Variants in RPS6KC1 observed in about 807,000 individuals in gnomAD.
The protein encoded by RPS6KC1 is ribosomal protein S6 kinase C1, also known as inactive ribosomal protein S6 kinase delta-1.
In RPS6KC1, 54 loss-of-function variants were observed where a neutral mutation model predicts 103.8. The observed-to-expected ratio is 0.52, with a 90% CI of 0.42 to 0.65. The LOEUF (loss-of-function observed/expected upper bound fraction) is 0.65. Among genes scored for constraint, RPS6KC1 ranks in the 30% least tolerant of loss-of-function variants. RPS6KC1 has a pLI of 0.00. For missense variants in RPS6KC1, 1,151 were observed against 1,253.8 expected, an observed-to-expected ratio of 0.92 and a Z score of 1.24; for synonymous variants, 439 against 438.7, an observed-to-expected ratio of 1.00 and a Z score of -0.01.
chr1:213,234,327 G>C lies in RPS6KC1; in HGVS notation c.1225+2072G>C, dbSNP rs1483585894. 4.6e-5 allele frequency among the ~76,000 whole-genome samples: 7 copies of C among 152,124 alleles called. No homozygotes were observed. The East Asian group carries it at 9.7e-4, about 21-fold the overall frequency. ...CGCCAGGCCTGAAACTTAAATTCTT[G>C]TTGTGAAAAGTCAAACAGAAAAACA... is the stretch of plus-strand genomic sequence containing the variant. On this transcript the variant is annotated intron_variant, in intron 10 of 14. Coordinates refer to ENST00000366960, the MANE Select transcript of RPS6KC1 (RefSeq NM_012424.6).
chr1:213,642,929 C>A, the RPS6KC1 span, among the ~76,000 whole-genome samples: 2,742 of 151,782 alleles, frequency 0.018, 63 homozygotes, highest in African/African-American at 0.063. Context: ...TTTCTAACAC[C>A]ATTTATTGTA....
intron 6 of RPS6KC1, among the ~76,000 whole-genome samples, chr1:213,136,834 A>G (rs990219929): frequency 2.6e-5 from 4 of 152,144 alleles, no homozygotes; most frequent in Non-Finnish European, 4.4e-5. Flanking sequence ...CTGATCTTTA[A>G]CAGTGTTGAG....
At chr1:213,425,543 A>G in the RPS6KC1 span, among the ~76,000 whole-genome samples, 1 of 152,146 alleles carries the variant, frequency 6.6e-6, no homozygotes, top group African/African-American at 2.4e-5. Flanking sequence ...AATTGGGCAA[A>G]CCACTGCATC....
intron 6 of RPS6KC1, among the ~76,000 whole-genome samples, chr1:213,151,233 T>A (rs1488686384): frequency 8.5e-6 from 1 of 117,808 alleles, no homozygotes; most frequent in African/African-American, 3.3e-5. Context: ...CCCCCCCACC[T>A]CCCTCCCGGA....
the RPS6KC1 span, among the ~76,000 whole-genome samples, chr1:213,434,853 CTTG>C: frequency 6.6e-6 from 1 of 151,930 alleles, no homozygotes; most frequent in Non-Finnish European, 1.5e-5. Flanking sequence ...TACTATGTGC[CTTG>C]TTGTATTTTT....
chr1:213,503,783 C>T, the RPS6KC1 span, among the ~76,000 whole-genome samples: 1 of 152,174 alleles, frequency 6.6e-6, no homozygotes, highest in African/African-American at 2.4e-5. Context: ...GCAGAAACTG[C>T]CATCCTTGTA....
the RPS6KC1 span, among the ~76,000 whole-genome samples, chr1:213,403,086 C>T: frequency 6.6e-6 from 1 of 152,034 alleles, no homozygotes; most frequent in East Asian, 1.9e-4. Context: ...CAAGATTGCA[C>T]CACTGCACTC....
chr1:213,245,841 A>G (rs2094445669), intron 12 of RPS6KC1, among the ~76,000 whole-genome samples: 1 of 152,214 alleles, frequency 6.6e-6, no homozygotes, highest in South Asian at 2.1e-4. Context: ...TTTGAAATGC[A>G]AATGATCACC....
chr1:213,071,046 C>G lies in RPS6KC1; in HGVS notation c.141+5C>G. ...AATCCAGAGGATGTCCAGGAGGTAA[C>G]ATTTATATGAAGATTTTATTTTATG... On this transcript the variant is annotated splice_donor_5th_base_variant and intron_variant, in intron 2 of 14. Transcript: ENST00000366960. The G allele has an allele frequency of 6.6e-7, 1 of 1,514,490 alleles. No homozygotes were observed. Among genetic ancestry groups the G allele is most frequent in the Non-Finnish European group, 9.0e-7 (1 of 1,111,832 alleles). The allele number at this position is 1,514,490 out of a possible 1,614,324, so 93.8% of individuals were successfully genotyped here.
chr1:213,500,444 A>G, the RPS6KC1 span, among the ~76,000 whole-genome samples: 1 of 152,224 alleles, frequency 6.6e-6, no homozygotes, highest in Non-Finnish European at 1.5e-5. Context: ...TAAAAAAATT[A>G]TATATAAGTA....
At chr1:213,688,651 A>G in the RPS6KC1 span, among the ~76,000 whole-genome samples, 1 of 151,896 alleles carries the variant, frequency 6.6e-6, no homozygotes, top group African/African-American at 2.4e-5. Flanking sequence ...CTTACATTCA[A>G]CTCCCCAACA....
the RPS6KC1 span, among the ~76,000 whole-genome samples, chr1:213,281,796 C>A: frequency 2.6e-5 from 4 of 152,310 alleles, no homozygotes; most frequent in Admixed American, 2.0e-4. Flanking sequence ...TCAACCACCC[C>A]CACTCCCCAG....
At chr1:213,631,556 A>G in the RPS6KC1 span, among the ~76,000 whole-genome samples, 2 of 152,152 alleles carry the variant, frequency 1.3e-5, no homozygotes, top group Non-Finnish European at 2.9e-5. Flanking sequence ...GAATATGTAT[A>G]TGAATGTTTT....
the RPS6KC1 span, among the ~76,000 whole-genome samples, chr1:213,702,841 T>C: frequency 1.3e-5 from 1 of 79,592 alleles, no homozygotes; most frequent in East Asian, 3.4e-4. Context: ...CAACAGATCA[T>C]TGAGGTTTTT....
At chr1:213,088,465 C>T (rs1041241609) in intron 3 of RPS6KC1, among the ~76,000 whole-genome samples, 2 of 151,878 alleles carry the variant, frequency 1.3e-5, no homozygotes, top group South Asian at 2.1e-4. Context: ...CGGGTTCAAG[C>T]GATTCTCCGG....
At chr1:213,398,124 T>TG in the RPS6KC1 span, among the ~76,000 whole-genome samples, 1 of 151,130 alleles carries the variant, frequency 6.6e-6, no homozygotes, top group African/African-American at 2.4e-5. Flanking sequence ...CTCCACCTCC[T>TG]GGGTTCAAGC....
chr1:213,434,726 G>T, the RPS6KC1 span, among the ~76,000 whole-genome samples: 1 of 152,004 alleles, frequency 6.6e-6, no homozygotes, highest in East Asian at 1.9e-4. Context: ...AGTGGGCTGG[G>T]ATTACAGGCA....
the RPS6KC1 span, among the ~76,000 whole-genome samples, chr1:213,352,872 C>T: frequency 6.6e-6 from 1 of 152,174 alleles, no homozygotes; most frequent in Admixed American, 6.6e-5. Flanking sequence ...ACAAGGTATG[C>T]AAGAAGGTGT....
At chr1:213,545,276 C>T in the RPS6KC1 span, among the ~76,000 whole-genome samples, 1 of 151,798 alleles carries the variant, frequency 6.6e-6, no homozygotes, top group African/African-American at 2.4e-5. Context: ...GAGGCTGAGG[C>T]AGGAGAATCG....
Sources: allele counts gnomAD v4.1 joint callset (sites outside exome capture counted in the v4.1 genomes callset), GRCh38; gene constraint gnomAD v4.1.1; transcripts MANE v1.5; gene names NCBI Gene and HGNC (gene_info 2026-07-23, HGNC 2026-07-21).